MAPK10: variants seen among roughly 807,000 people sequenced by gnomAD.
MAPK10 encodes JNK3 alpha protein kinase.
Under a neutral mutation model 59.3 loss-of-function variants are expected in MAPK10, and 25 were observed. The observed-to-expected ratio is 0.42, with a 90% CI of 0.31 to 0.59. The LOEUF (loss-of-function observed/expected upper bound fraction) is 0.59. MAPK10 is among the 20% of genes least tolerant of loss of function. The pLI is 0.15. For missense variants in MAPK10, 351 were observed against 568.9 expected (o/e 0.62, Z 3.90); for synonymous variants, 190 against 200.5 (o/e 0.95, Z 0.44).
At chr4:86,522,708 C>G (rs950373723) in intron 1 of MAPK10, among the ~76,000 whole-genome samples, 1 of 152,192 alleles carries the variant, frequency 6.6e-6, no homozygotes, top group Non-Finnish European at 1.5e-5. Context: ...TTGCTGACTA[C>G]AGATAGGAGG....
chr4:86,408,558 A>G (rs1744689887), intron 1 of MAPK10, among the ~76,000 whole-genome samples: 1 of 151,994 alleles, frequency 6.6e-6, no homozygotes, highest in Non-Finnish European at 1.5e-5. Flanking sequence ...CCTCTCCAGC[A>G]CCTGTTGTTT....
intron 2 of MAPK10, among the ~76,000 whole-genome samples, chr4:86,317,876 G>A (rs1039243153): frequency 2.0e-5 from 3 of 152,058 alleles, no homozygotes; most frequent in East Asian, 3.9e-4. Flanking sequence ...TCAGGCTATC[G>A]GCAGGACCAT....
chr4:86,531,095 T>C (rs1167908556), intron 1 of MAPK10, among the ~76,000 whole-genome samples: 1 of 152,158 alleles, frequency 6.6e-6, no homozygotes, highest in African/African-American at 2.4e-5. Flanking sequence ...TCCCTTTTCA[T>C]CATAACAATA....
intron 2 of MAPK10, among the ~76,000 whole-genome samples, chr4:86,341,525 T>C (rs1323028290): frequency 6.6e-6 from 1 of 152,180 alleles, no homozygotes; most frequent in African/African-American, 2.4e-5. Flanking sequence ...TAGGAAATAA[T>C]ACTTGTCAAT....
intron 2 of MAPK10, among the ~76,000 whole-genome samples, chr4:86,241,929 A>AT (rs1391273015): frequency 6.6e-6 from 1 of 151,964 alleles, no homozygotes; most frequent in South Asian, 2.1e-4. Flanking sequence ...GGTTTTCAGC[A>AT]TTTTTTGTTG....
intron 1 of MAPK10, among the ~76,000 whole-genome samples, chr4:86,387,699 G>A (rs1049292046): frequency 6.6e-6 from 1 of 151,900 alleles, no homozygotes; most frequent in Non-Finnish European, 1.5e-5. Context: ...TTGTGTGGCA[G>A]AAGAAAAAAG....
intron 2 of MAPK10, among the ~76,000 whole-genome samples, chr4:86,298,809 T>C (rs1383822058): frequency 6.6e-6 from 1 of 152,230 alleles, no homozygotes. Context: ...TGTACTCAAA[T>C]TCCAAAAACT....
At chr4:86,430,825 C>T (rs1037652085) in intron 1 of MAPK10, among the ~76,000 whole-genome samples, 4 of 152,228 alleles carry the variant, frequency 2.6e-5, no homozygotes, top group Non-Finnish European at 2.9e-5. Flanking sequence ...GTAGATGGGG[C>T]GCCAGATCAG....
intron 3 of MAPK10, among the ~76,000 whole-genome samples, chr4:86,184,550 G>A (rs2077702536): frequency 6.6e-6 from 1 of 152,148 alleles, no homozygotes; most frequent in Non-Finnish European, 1.5e-5. Context: ...ATGTTAAAAT[G>A]TAATCCTCAG....
At chr4:86,041,254 G>T (rs1296347291) in intron 11 of MAPK10, among the ~76,000 whole-genome samples, 2 of 152,180 alleles carry the variant, frequency 1.3e-5, no homozygotes, top group East Asian at 3.8e-4. Flanking sequence ...TTTAATAAAT[G>T]ATGCTGGGAA....
rs182876420 is a variant in MAPK10, at chr4:86,144,899, C to T, written c.236+14399G>A. On this transcript the variant is annotated intron_variant, in intron 4 of 13. Transcript: ENST00000641462. ...CTTACAGTGAGCTGCTAAATAAGTA[C>T]AACTCTATGAACACAATTGGATAAA... Among the ~76,000 whole-genome samples the T allele has an allele frequency of 3.0e-4, 45 of 152,070 alleles. No homozygotes were observed. In the East Asian group the frequency reaches 3.3e-3, roughly 11 times the overall value.
chr4:86,156,594 T>G (rs2067850716), intron 4 of MAPK10, among the ~76,000 whole-genome samples: 1 of 152,062 alleles, frequency 6.6e-6, no homozygotes, highest in Non-Finnish European at 1.5e-5. Flanking sequence ...TGTTAACTTT[T>G]GCCACCACTT....
intron 2 of MAPK10, among the ~76,000 whole-genome samples, chr4:86,317,616 C>T (rs974124257): frequency 6.6e-6 from 1 of 152,160 alleles, no homozygotes; most frequent in African/African-American, 2.4e-5. Context: ...TAACATATTA[C>T]TAATTCTAAC....
intron 2 of MAPK10, among the ~76,000 whole-genome samples, chr4:86,195,315 G>A (rs549237799): frequency 6.6e-6 from 1 of 152,100 alleles, no homozygotes; most frequent in East Asian, 1.9e-4. Flanking sequence ...ATCAATATGC[G>A]ACTTCCATTT....
At chr4:86,479,455 C>G (rs1194083129) in intron 1 of MAPK10, among the ~76,000 whole-genome samples, 1 of 147,978 alleles carries the variant, frequency 6.8e-6, no homozygotes, top group Non-Finnish European at 1.5e-5. Context: ...ACTAGACCAA[C>G]TTGGACTGCA....
chr4:86,543,804 A>G (rs1758919096), intron 1 of MAPK10, among the ~76,000 whole-genome samples: 1 of 152,222 alleles, frequency 6.6e-6, no homozygotes, highest in African/African-American at 2.4e-5. Flanking sequence ...AAGGGATCTG[A>G]AGAGATACAA....
At chr4:86,331,266 C>T (rs568221444) in intron 2 of MAPK10, among the ~76,000 whole-genome samples, 57 of 152,192 alleles carry the variant, frequency 3.7e-4, no homozygotes, top group African/African-American at 1.3e-3. Context: ...GAAAAATGGT[C>T]GTTTTCAAAG....
intron 1 of MAPK10, among the ~76,000 whole-genome samples, chr4:86,414,853 G>T (rs1745659406): frequency 6.6e-6 from 1 of 152,054 alleles, no homozygotes; most frequent in Admixed American, 6.6e-5. Flanking sequence ...ATATCCATGT[G>T]GTTCTAGAAC....
At chr4:86,165,199 A>G (rs1038929686) in intron 3 of MAPK10, among the ~76,000 whole-genome samples, 14 of 152,302 alleles carry the variant, frequency 9.2e-5, no homozygotes, top group Non-Finnish European at 1.6e-4. Flanking sequence ...CTTTTGGCAC[A>G]GAAGATATTG....
Sources: gnomAD v4.1 joint callset for allele counts (sites outside exome capture counted in the v4.1 genomes callset) on GRCh38, gnomAD v4.1.1 for gene constraint, MANE v1.5 for transcripts, NCBI Gene and HGNC (gene_info 2026-07-23, HGNC 2026-07-21) for gene names.